The following FOXP2 variants were observed in gnomAD, a reference collection of about 807,000 sequenced individuals.
FOXP2 encodes the protein forkhead box P2.
In FOXP2, 12 loss-of-function variants were observed where a neutral mutation model predicts 115.8. The ratio of observed to expected loss-of-function variants is 0.10; its 90% CI spans 0.07 to 0.17. The LOEUF (loss-of-function observed/expected upper bound fraction) is 0.17. Among genes scored for constraint, FOXP2 ranks in the 10% least tolerant of loss-of-function variants. The pLI, the probability that FOXP2 is intolerant of heterozygous loss-of-function variation, is 1.00. For missense variants in FOXP2, 629 were observed against 843.5 expected (o/e 0.75, Z 3.15); for synonymous variants, 328 against 297.7 (o/e 1.10, Z -1.05).
chr7:114,693,703 C>T lies in FOXP2; in HGVS notation c.*3777C>T. ...TTGGATGTAAAAATGTATATGAAAC[C>T]ATTTCATTCACTTGATTACATTTCT... is the stretch of plus-strand genomic sequence containing the variant. On this transcript the variant is annotated 3_prime_UTR_variant, in exon 17 of 17. Transcript: ENST00000350908. 1 of 343,420 alleles carries T rather than the reference C, an allele frequency of 2.9e-6. No homozygotes were observed. The highest frequency in any genetic ancestry group is 5.7e-6 in the Non-Finnish European group (1 of 176,288). 21.3% of individuals were successfully genotyped at this position (343,420 alleles called of 1,614,324 possible). A position where few individuals can be genotyped will look rare whatever the true frequency, so the allele number is the denominator to read the frequency against.
chr7:114,517,386 T>C (rs1302870151), intron 2 of FOXP2, among the ~76,000 whole-genome samples: 1 of 152,176 alleles, frequency 6.6e-6, no homozygotes, highest in African/African-American at 2.4e-5. Context: ...ATTGCCTGTG[T>C]TTTGGGGCTC....
rs190710057 is a variant in FOXP2 at position 114,574,220 on chromosome 7, C to T, written c.258+39514C>T. On this transcript the variant is annotated intron_variant, in intron 3 of 16. Coordinates refer to ENST00000350908, the MANE Select transcript of FOXP2 (RefSeq NM_014491.4). ...TGTTGTATTTGAAGAAATATTTGGG[C>T]TCCTTCGATTGTATATTCACTATTC... 1.9e-4 allele frequency among the ~76,000 whole-genome samples: 29 copies of T among 151,760 alleles called. No individual in the cohort carries two copies. The East Asian group carries it at 5.6e-3, about 29-fold the overall frequency.
intron 2 of FOXP2, among the ~76,000 whole-genome samples, chr7:114,403,820 A>C (rs937758977): frequency 6.6e-6 from 1 of 152,198 alleles, no homozygotes; most frequent in Non-Finnish European, 1.5e-5. Context: ...ATTTTAATAG[A>C]TATACAAGAA....
intron 2 of FOXP2, among the ~76,000 whole-genome samples, chr7:114,473,614 C>T (rs1197639195): frequency 2.0e-5 from 3 of 151,976 alleles, no homozygotes; most frequent in East Asian, 1.9e-4. Flanking sequence ...GTTTATATAC[C>T]ACACCTTCTA....
At chr7:114,126,197 G>A (rs1386570524) in intron 1 of FOXP2, among the ~76,000 whole-genome samples, 1 of 126,048 alleles carries the variant, frequency 7.9e-6, no homozygotes, top group Non-Finnish European at 1.7e-5. Context: ...TGGGCTTCAG[G>A]AAAAAAATTA....
At chr7:114,305,409 T>G (rs1019322142) in intron 2 of FOXP2, among the ~76,000 whole-genome samples, 1 of 152,194 alleles carries the variant, frequency 6.6e-6, no homozygotes, top group African/African-American at 2.4e-5. Context: ...GTAAATTAAA[T>G]TATAGTGTTA....
rs1201994321 is a variant in FOXP2, at chr7:114,378,730, G to GAAAAA, written c.-10-47768_-10-47767insAAAAA. Among the ~76,000 whole-genome samples, 3 of 68,500 alleles carry GAAAAA rather than the reference G, an allele frequency of 4.4e-5. No homozygotes were observed. The East Asian group carries it at 1.3e-3, about 31-fold the overall frequency. 44.9% of individuals were successfully genotyped at this position (68,500 alleles called of 152,430 possible). A position where few individuals can be genotyped will look rare whatever the true frequency, so the allele number is the denominator to read the frequency against. Reference sequence around the variant, plus strand: ...AAAGAAAAAGAAAGAAAGTGAAAAAGAAAATAGGGACAATCACAGCCTTCT... The same window carrying GAAAAA: ...AAAGAAAAAGAAAGAAAGTGAAAAAGAAAAAAAAATAGGGACAATCACAGCCTTCT... On this transcript the variant is annotated intron_variant, in intron 2 of 17. Transcript: ENST00000634411.
intron 2 of FOXP2, among the ~76,000 whole-genome samples, chr7:114,436,469 A>G (rs1794354426): frequency 6.6e-6 from 1 of 151,012 alleles, no homozygotes; most frequent in South Asian, 2.1e-4. Flanking sequence ...AAAATAATTA[A>G]TGTAATTATT....
intron 2 of FOXP2, among the ~76,000 whole-genome samples, chr7:114,382,253 C>G (rs956468733): frequency 1.1e-4 from 17 of 152,090 alleles, no homozygotes; most frequent in African/African-American, 4.1e-4. Context: ...AGACAGTTAC[C>G]CTTCTGACCC....
chr7:114,193,746 T>C (rs1793826320), intron 1 of FOXP2, among the ~76,000 whole-genome samples: 1 of 152,134 alleles, frequency 6.6e-6, no homozygotes, highest in African/African-American at 2.4e-5. Context: ...GTTTGATTAT[T>C]TAAAAATGAC....
At chr7:114,588,873 T>C (rs1169237834) in intron 3 of FOXP2, among the ~76,000 whole-genome samples, 1 of 152,180 alleles carries the variant, frequency 6.6e-6, no homozygotes, top group Admixed American at 6.5e-5. Flanking sequence ...CTGCTTCTAT[T>C]TCTTGATTTA....
chr7:114,660,325 G>C (rs1374440205), intron 13 of FOXP2, among the ~76,000 whole-genome samples: 3 of 152,086 alleles, frequency 2.0e-5, no homozygotes, highest in Admixed American at 2.0e-4. Flanking sequence ...GAAAGATAAG[G>C]GCACTCAGCA....
intron 2 of FOXP2, among the ~76,000 whole-genome samples, chr7:114,391,097 G>GAA (rs1424570406): frequency 1.3e-5 from 2 of 151,954 alleles, no homozygotes; most frequent in African/African-American, 4.8e-5. Flanking sequence ...TGAGGCAGGA[G>GAA]AATCGCTTGA....
chr7:114,097,940 C>G (rs926703390), intron 1 of FOXP2, among the ~76,000 whole-genome samples: 9 of 152,144 alleles, frequency 5.9e-5, no homozygotes, highest in Non-Finnish European at 1.2e-4. Flanking sequence ...TGAAAGGAAA[C>G]TTTGAGATCA....
intron 2 of FOXP2, among the ~76,000 whole-genome samples, chr7:114,400,490 T>C (rs1358144369): frequency 6.6e-6 from 1 of 152,168 alleles, no homozygotes; most frequent in Non-Finnish European, 1.5e-5. Context: ...TATTCAATGA[T>C]ACTTGGTAAG....
intron 1 of FOXP2, among the ~76,000 whole-genome samples, chr7:114,217,330 C>G (rs1794511537): frequency 6.6e-6 from 1 of 152,120 alleles, no homozygotes. Context: ...GTGTTAACTT[C>G]TCGGTTTAAA....
upstream of FOXP2, among the ~76,000 whole-genome samples, chr7:114,087,281 C>T (rs897795162): frequency 2.0e-5 from 3 of 152,306 alleles, no homozygotes; most frequent in Non-Finnish European, 4.4e-5. Context: ...CTCCTGGGCC[C>T]TACTGACGCT....
chr7:114,438,422 G>A (rs773887604), intron 2 of FOXP2, among the ~76,000 whole-genome samples: 1 of 151,926 alleles, frequency 6.6e-6, no homozygotes, highest in Non-Finnish European at 1.5e-5. Flanking sequence ...TTTAAAGTGT[G>A]CTATTCATAT....
chr7:114,642,793 TATATATATA>T (rs1805621096), intron 7 of FOXP2, among the ~76,000 whole-genome samples, 170 bp downstream of exon 7: 1 of 35,346 alleles, frequency 2.8e-5, no homozygotes, highest in Admixed American at 2.8e-4. Flanking sequence ...TATATATATA[TATATATATA>T]TATATATATA....
Sources: gnomAD v4.1 joint callset for allele counts (sites outside exome capture counted in the v4.1 genomes callset) on GRCh38, gnomAD v4.1.1 for gene constraint, MANE v1.5 for transcripts, NCBI Gene and HGNC (gene_info 2026-07-23, HGNC 2026-07-21) for gene names.